Variants in SMIM14 observed in about 807,000 individuals in gnomAD.
The protein encoded by SMIM14 is chromosome 4 open reading frame 34.
SMIM14 carries 5 observed loss-of-function variants against 12.6 expected under a neutral mutation model. The observed-to-expected ratio is 0.40, with a 90% confidence interval of 0.21 to 0.83. The LOEUF is 0.83. Among genes scored for constraint, SMIM14 ranks in the 40% least tolerant of loss-of-function variants. The pLI, the probability that SMIM14 is intolerant of heterozygous loss-of-function variation, is 0.37. For missense variants in SMIM14, 86 were observed against 119.1 expected (o/e 0.72, Z 1.29); for synonymous variants, 30 against 40.1 (o/e 0.75, Z 0.95).
At chr4:39,579,940 G>T (rs1176558226) in intron 2 of SMIM14, among the ~76,000 whole-genome samples, 1 of 151,744 alleles carries the variant, frequency 6.6e-6, no homozygotes, top group African/African-American at 2.4e-5. Flanking sequence ...GACAAATGTA[G>T]CTTCCATGAG....
intron 1 of SMIM14, among the ~76,000 whole-genome samples, chr4:39,609,230 T>C (rs1430388387): frequency 6.6e-6 from 1 of 152,212 alleles, no homozygotes; most frequent in Non-Finnish European, 1.5e-5. Context: ...TCCGCCCGCC[T>C]TGGCCTCCCA....
intron 2 of SMIM14, among the ~76,000 whole-genome samples, chr4:39,598,306 A>G (rs1213398680): frequency 6.6e-6 from 1 of 152,172 alleles, no homozygotes. Context: ...CGTGTACACA[A>G]TTTAGAGTCA....
At chr4:39,620,180 A>C (rs1281853004) in intron 1 of SMIM14, among the ~76,000 whole-genome samples, 4 of 113,456 alleles carry the variant, frequency 3.5e-5, no homozygotes, top group African/African-American at 1.2e-4. Flanking sequence ...CTCTATTAAG[A>C]AAAAAAAAAA....
At chr4:39,617,647 G>A (rs1715272717) in intron 1 of SMIM14, among the ~76,000 whole-genome samples, 1 of 152,126 alleles carries the variant, frequency 6.6e-6, no homozygotes, top group Admixed American at 6.6e-5. Flanking sequence ...TATGTAAACA[G>A]GCCCTATCAT....
At chr4:39,576,255 AT>A (rs1713164692) in intron 2 of SMIM14, among the ~76,000 whole-genome samples, 2 of 150,490 alleles carry the variant, frequency 1.3e-5, no homozygotes, top group Admixed American at 1.3e-4. Context: ...ATGAACACAT[AT>A]TTTTTAAATG....
At chr4:39,626,487 G>A (rs541231038) in intron 1 of SMIM14, among the ~76,000 whole-genome samples, 4 of 152,210 alleles carry the variant, frequency 2.6e-5, no homozygotes, top group Middle Eastern at 3.4e-3. Context: ...GGATTCAAAC[G>A]CCCTGTCTTC....
At chr4:39,561,839 G>A (rs1366806072) in intron 3 of SMIM14, among the ~76,000 whole-genome samples, 1 of 152,042 alleles carries the variant, frequency 6.6e-6, no homozygotes, top group Non-Finnish European at 1.5e-5. Flanking sequence ...GGGGGTTGTA[G>A]CGGAAAAATT....
At chr4:39,591,947 A>G (rs1714105140) in intron 2 of SMIM14, among the ~76,000 whole-genome samples, 1 of 152,160 alleles carries the variant, frequency 6.6e-6, no homozygotes, top group Non-Finnish European at 1.5e-5. Context: ...TAATCTTAGC[A>G]CTTAAGGAGG....
chr4:39,603,290 G>A (rs565799650), intron 2 of SMIM14, among the ~76,000 whole-genome samples: 37 of 152,304 alleles, frequency 2.4e-4, no homozygotes, highest in Admixed American at 9.2e-4. Flanking sequence ...TGGGCGCGGT[G>A]GCTCATGCCT....
At chr4:39,552,211 A>C (rs919755584) in intron 4 of SMIM14, 53 bp from the exon 5 acceptor site, 3 of 1,433,898 alleles carry the variant, frequency 2.1e-6, no homozygotes, top group African/African-American at 1.5e-5. Flanking sequence ...AATTCAAAAA[A>C]ATTTAAAATT....
At position 39,552,176 on chromosome 4, in the gene SMIM14, T is replaced by C; in HGVS notation, c.268-18A>G. 1 of 1,562,064 alleles carries C rather than the reference T, an allele frequency of 6.4e-7. No homozygotes were observed. On this transcript the variant is annotated intron_variant, in intron 4 of 4. Coordinates refer to ENST00000295958, the MANE Select transcript of SMIM14 (RefSeq NM_174921.3). ...TCTTGTCCCTGGCATTAGAAAGAAA[T>C]AAATTATTTAATTGACTTTTTAAAA...
intron 1 of SMIM14, among the ~76,000 whole-genome samples, chr4:39,621,690 T>C (rs1017237679): frequency 1.3e-4 from 6 of 46,028 alleles, no homozygotes; most frequent in South Asian, 4.8e-4. Flanking sequence ...ACGTTTCTTT[T>C]TTTTTTTTTT....
intron 3 of SMIM14, among the ~76,000 whole-genome samples, chr4:39,567,084 C>T (rs535313189): frequency 1.4e-4 from 19 of 134,978 alleles, no homozygotes; most frequent in African/African-American, 5.4e-4. Context: ...TGTAGTAAGC[C>T]GAGATTGCGC....
chr4:39,587,617 G>A (rs1235967137), intron 2 of SMIM14, among the ~76,000 whole-genome samples: 1 of 151,752 alleles, frequency 6.6e-6, no homozygotes, highest in African/African-American at 2.4e-5. Flanking sequence ...ATTGAGAGGT[G>A]AAATCTGGCC....
chr4:39,575,747 CTA>C (rs1189337969), intron 2 of SMIM14, among the ~76,000 whole-genome samples: 1 of 66,548 alleles, frequency 1.5e-5, no homozygotes, highest in Non-Finnish European at 3.3e-5. Flanking sequence ...CCATGCCCAG[CTA>C]TTTTTTTTTT....
chr4:39,619,249 A>G (rs1406256375), intron 1 of SMIM14, among the ~76,000 whole-genome samples: 1 of 132,446 alleles, frequency 7.6e-6, no homozygotes, highest in Non-Finnish European at 1.6e-5. Flanking sequence ...AATATAATTT[A>G]TTCTATATAT....
chr4:39,598,033 AG>A (rs2110049020), intron 2 of SMIM14, among the ~76,000 whole-genome samples: 1 of 152,308 alleles, frequency 6.6e-6, no homozygotes, highest in South Asian at 2.1e-4. Flanking sequence ...ACCACTATAG[AG>A]TTCAGGGTTT....
At chr4:39,587,274 A>G (rs1306212423) in intron 2 of SMIM14, among the ~76,000 whole-genome samples, 1 of 151,824 alleles carries the variant, frequency 6.6e-6, no homozygotes, top group Non-Finnish European at 1.5e-5. Context: ...AGGTGGGTGG[A>G]TCACGAGGTC....
chr4:39,628,889 C>T (rs1355319016), intron 1 of SMIM14, among the ~76,000 whole-genome samples: 2 of 150,852 alleles, frequency 1.3e-5, no homozygotes, highest in Non-Finnish European at 3.0e-5. Flanking sequence ...CGTGCCATCA[C>T]ACCCAGCTAG....
Sources: gnomAD v4.1 joint callset for allele counts (sites outside exome capture counted in the v4.1 genomes callset) on GRCh38, gnomAD v4.1.1 for gene constraint, MANE v1.5 for transcripts, NCBI Gene and HGNC (gene_info 2026-07-23, HGNC 2026-07-21) for gene names.